The following TMEM100 variants were observed in gnomAD, a reference collection of about 807,000 sequenced individuals.
TMEM100 encodes transmembrane protein 100.
For synonymous variants in TMEM100, 61 were observed against 67.1 expected (o/e 0.91, Z 0.44); for missense variants, 137 against 168.2 (o/e 0.81, Z 1.02).
Position 55,721,151 on chromosome 17 carries a change from G to A in TMEM100, c.-65-16C>T. 1 of 1,483,186 alleles carries A rather than the reference G, an allele frequency of 6.7e-7. No homozygotes were observed. The allele number at this position is 1,483,186 out of a possible 1,614,324, so 91.9% of individuals were successfully genotyped here. On this transcript the variant is annotated splice_polypyrimidine_tract_variant and intron_variant, in intron 1 of 1. Coordinates refer to ENST00000424486, the MANE Select transcript of TMEM100 (RefSeq NM_018286.3). ...AGGGTGAAAGCTGTGAAGATAACAG[G>A]AGATGTCAGCTACATGTATCAGAAT...
intron 1 of TMEM100, among the ~76,000 whole-genome samples, chr17:55,728,802 G>A (rs539595618): frequency 6.6e-6 from 1 of 152,338 alleles, no homozygotes; most frequent in African/African-American, 2.4e-5. Flanking sequence ...GGGTGTGTGT[G>A]TGTAGGGGGT....
upstream of TMEM100, among the ~76,000 whole-genome samples, chr17:55,726,780 T>C (rs1909085954): frequency 6.6e-6 from 1 of 152,188 alleles, no homozygotes. Flanking sequence ...ATCATGGACA[T>C]TTTGGAAAGT....
intron 1 of TMEM100, among the ~76,000 whole-genome samples, chr17:55,730,682 AT>A (rs983037325): frequency 5.3e-5 from 8 of 152,190 alleles, no homozygotes; most frequent in African/African-American, 1.9e-4. Flanking sequence ...TTTTGGGAGC[AT>A]TTTTATCCTC....
upstream of TMEM100, among the ~76,000 whole-genome samples, chr17:55,725,918 G>A (rs765974013): frequency 3.3e-5 from 5 of 152,084 alleles, no homozygotes; most frequent in Non-Finnish European, 2.9e-5. Flanking sequence ...AAAAGAATTC[G>A]TAATCTTTGC....
chr17:55,731,485 G>T (rs75533949), intron 1 of TMEM100, among the ~76,000 whole-genome samples: 4,103 of 152,148 alleles, frequency 0.027, 187 homozygotes, highest in African/African-American at 0.095. Flanking sequence ...GATTCCATCT[G>T]TAGATACTTC....
chr17:55,727,709 TAA>T (rs960520118), upstream of TMEM100: 1 of 152,180 alleles, frequency 6.6e-6, no homozygotes, highest in Non-Finnish European at 1.5e-5. Context: ...TCGCAACATG[TAA>T]AGTGTCCTAA....
upstream of TMEM100, among the ~76,000 whole-genome samples, chr17:55,725,680 A>G (rs75143572): frequency 5.8e-3 from 867 of 150,210 alleles, 12 homozygotes; most frequent in East Asian, 0.06. Context: ...GTTGTCCTCC[A>G]TGAAAATGTA....
chr17:55,730,366 A>T (rs1419065706), intron 1 of TMEM100, among the ~76,000 whole-genome samples: 1 of 152,218 alleles, frequency 6.6e-6, no homozygotes, highest in East Asian at 1.9e-4. Context: ...TATCATTATA[A>T]TGATAAATAG....
At chr17:55,726,006 T>C (rs1909062183), upstream of TMEM100, among the ~76,000 whole-genome samples, 2 of 152,094 alleles carry the variant, frequency 1.3e-5, no homozygotes, top group African/African-American at 2.4e-5. Flanking sequence ...TCTTTCCCAA[T>C]AACATGCAGG....
intron 1 of TMEM100, chr17:55,728,001 G>A (rs146043265): frequency 3.4e-4 from 51 of 152,214 alleles, no homozygotes; most frequent in African/African-American, 1.2e-3. Context: ...GAAATGGGGA[G>A]GGAAAAAAAG....
Position 55,721,371 on chromosome 17 carries a change from C to A in TMEM100, c.-65-236G>T, listed in dbSNP as rs143402351. 3.3e-4 allele frequency: 98 copies of A among 295,568 alleles called. 1 individual carries two copies. The East Asian group carries it at 5.4e-3, about 16-fold the overall frequency. 18.3% of individuals were successfully genotyped at this position (295,568 alleles called of 1,614,324 possible). On this transcript the variant is annotated intron_variant, in intron 1 of 1. Transcript: ENST00000424486. ...GGAAGCACTTACAGTGTTTAATATA[C>A]CCTGGCGGTCTACAAAAGTTTTACA...
upstream of TMEM100, among the ~76,000 whole-genome samples, chr17:55,726,894 A>G (rs769115871): frequency 6.6e-6 from 1 of 152,190 alleles, no homozygotes; most frequent in African/African-American, 2.4e-5. Context: ...AGGACATTAA[A>G]TAGAGAGATC....
chr17:55,727,048 A>G (rs1279175782), upstream of TMEM100, among the ~76,000 whole-genome samples: 1 of 152,192 alleles, frequency 6.6e-6, no homozygotes, highest in Non-Finnish European at 1.5e-5. Context: ...TTCACATTAC[A>G]ATCCCCATTC....
intron 1 of TMEM100, chr17:55,721,811 C>T (rs1224408815): frequency 1.3e-5 from 2 of 152,116 alleles, no homozygotes; most frequent in Non-Finnish European, 2.9e-5. Flanking sequence ...ACAATATCTT[C>T]CAATCTGCTA....
intron 1 of TMEM100, among the ~76,000 whole-genome samples, chr17:55,729,485 G>C (rs750249055): frequency 1.1e-4 from 17 of 152,208 alleles, no homozygotes; most frequent in Non-Finnish European, 2.1e-4. Flanking sequence ...TTCTCCGGTG[G>C]AGAGGCAAAT....
At chr17:55,726,319 G>A (rs1011558922), upstream of TMEM100, among the ~76,000 whole-genome samples, 8 of 152,080 alleles carry the variant, frequency 5.3e-5, no homozygotes, top group African/African-American at 1.7e-4. Flanking sequence ...TAGGGGAGAG[G>A]GGTCTGGGAG....
intron 1 of TMEM100, among the ~76,000 whole-genome samples, chr17:55,728,833 A>C (rs1051222237): frequency 1.3e-5 from 2 of 152,124 alleles, no homozygotes; most frequent in African/African-American, 4.8e-5. Context: ...GGAGGTTGGA[A>C]TCTTCATGGC....
rs1908807745 is a variant in TMEM100 at position 55,719,939 on chromosome 17, T to C, written c.*727A>G. On this transcript the variant is annotated 3_prime_UTR_variant, in exon 2 of 2. Coordinates refer to ENST00000424486, the MANE Select transcript of TMEM100 (RefSeq NM_018286.3). ...TTTTAGCAGCAATAAGTATTTATTA[T>C]TCTGAATGAAATGTACAGTTGACTT... is the stretch of plus-strand genomic sequence containing the variant. 6.6e-6 allele frequency: 1 copy of C among 152,642 alleles called. No homozygotes were observed. The highest frequency in any genetic ancestry group is 1.5e-5 in the Non-Finnish European group (1 of 68,042). The allele number at this position is 152,642 out of a possible 1,614,324, so 9.5% of individuals were successfully genotyped here. A position where few individuals can be genotyped will look rare whatever the true frequency, so the allele number is the denominator to read the frequency against.
At chr17:55,730,591 C>T (rs1909179070) in intron 1 of TMEM100, among the ~76,000 whole-genome samples, 1 of 151,894 alleles carries the variant, frequency 6.6e-6, no homozygotes, top group Non-Finnish European at 1.5e-5. Context: ...GATTGCTTCA[C>T]CAGAAAAAAA....
Sources: allele counts gnomAD v4.1 joint callset (sites outside exome capture counted in the v4.1 genomes callset), GRCh38; gene constraint gnomAD v4.1.1; transcripts MANE v1.5; gene names NCBI Gene and HGNC (gene_info 2026-07-23, HGNC 2026-07-21).